SDK1: variants seen among roughly 807,000 people sequenced by gnomAD.
The protein encoded by SDK1 is protein sidekick-1.
SDK1 carries 157 observed loss-of-function variants against 245.5 expected under a neutral mutation model. That is an observed-to-expected ratio of 0.64 (90% confidence interval 0.56 to 0.73). SDK1 has a LOEUF of 0.73. Ranked by LOEUF, SDK1 falls within the 30% of genes least tolerant of loss-of-function variation. SDK1 has a pLI of 0.00. For synonymous variants in SDK1, 1,647 were observed against 1,278.5 expected, an observed-to-expected ratio of 1.29 and a Z score of -6.15; for missense variants, 3,583 against 3,002.3, an observed-to-expected ratio of 1.19 and a Z score of -4.52.
At chr7:3,671,323 T>C (rs1000947260) in intron 4 of SDK1, among the ~76,000 whole-genome samples, 1 of 152,212 alleles carries the variant, frequency 6.6e-6, no homozygotes, top group Non-Finnish European at 1.5e-5. Flanking sequence ...CTACATTGTG[T>C]GAGTCTAGCC....
intron 1 of SDK1, among the ~76,000 whole-genome samples, chr7:3,461,452 C>A (rs771158347): frequency 6.6e-6 from 1 of 152,122 alleles, no homozygotes; most frequent in African/African-American, 2.4e-5. Context: ...GCTAGAATTT[C>A]TTTGTACAGA....
chr7:4,202,436 G>A (rs556375057), intron 35 of SDK1, among the ~76,000 whole-genome samples: 1 of 152,304 alleles, frequency 6.6e-6, no homozygotes, highest in Non-Finnish European at 1.5e-5. Context: ...CGTGTGACTG[G>A]CCAGCCTCAG....
rs1243621544 is a variant in SDK1 at position 4,234,607 on chromosome 7, GC to G, written c.5992+1194del. Among the ~76,000 whole-genome samples the G allele has an allele frequency of 1.1e-4, 17 of 152,100 alleles. 1 individual carries two copies. The highest frequency in any genetic ancestry group is 4.4e-5 in the Non-Finnish European group (3 of 68,006). The stretch of plus-strand genomic sequence containing the variant: ...CCGGCAAAGCTGGTCCCTGGTTGTG[GC>G]CCCCCAGCCCCCCATGTGCCTGTGA... On this transcript the variant is annotated intron_variant, in intron 41 of 44. Transcript: ENST00000404826.
At chr7:3,584,639 G>A (rs1200958772) in intron 1 of SDK1, among the ~76,000 whole-genome samples, 1 of 152,146 alleles carries the variant, frequency 6.6e-6, no homozygotes, top group Non-Finnish European at 1.5e-5. Flanking sequence ...TTCCAGAGAA[G>A]TCGCACGTGC....
At chr7:3,543,583 C>A (rs1382577410) in intron 1 of SDK1, among the ~76,000 whole-genome samples, 2 of 152,168 alleles carry the variant, frequency 1.3e-5, no homozygotes, top group Non-Finnish European at 2.9e-5. Flanking sequence ...TCTGGAAACT[C>A]GCAAGATGTC....
intron 5 of SDK1, among the ~76,000 whole-genome samples, chr7:3,901,328 A>T (rs1445275954): frequency 6.6e-6 from 1 of 152,066 alleles, no homozygotes; most frequent in Non-Finnish European, 1.5e-5. Flanking sequence ...CTGGGACTAC[A>T]GGCATGTGCC....
intron 2 of SDK1, among the ~76,000 whole-genome samples, chr7:3,631,232 C>T (rs1260815148): frequency 6.6e-6 from 1 of 152,184 alleles, no homozygotes; most frequent in Non-Finnish European, 1.5e-5. Flanking sequence ...CCACACTCAG[C>T]TTCTAATGCT....
At chr7:3,849,895 G>A (rs1484065817) in intron 5 of SDK1, among the ~76,000 whole-genome samples, 2 of 152,226 alleles carry the variant, frequency 1.3e-5, no homozygotes, top group African/African-American at 4.8e-5. Flanking sequence ...TGAAGGCAGT[G>A]CTTGGCCTCA....
chr7:3,400,020 C>T (rs1323432670), intron 1 of SDK1, among the ~76,000 whole-genome samples: 1 of 152,024 alleles, frequency 6.6e-6, no homozygotes, highest in African/African-American at 2.4e-5. Flanking sequence ...AATGATAATG[C>T]CTTGTGAATG....
At chr7:3,321,793 C>CTTCCTTCT (rs1779817311) in intron 1 of SDK1, among the ~76,000 whole-genome samples, 1 of 95,878 alleles carries the variant, frequency 1.0e-5, no homozygotes, top group African/African-American at 4.7e-5. Flanking sequence ...TCCTTCCTTC[C>CTTCCTTCT]TTCCTTCCTT....
At chr7:3,737,819 G>C (rs1295683585) in intron 4 of SDK1, among the ~76,000 whole-genome samples, 1 of 152,184 alleles carries the variant, frequency 6.6e-6, no homozygotes, top group Non-Finnish European at 1.5e-5. Context: ...TTTCCCTACT[G>C]GAAAAACATA....
intron 1 of SDK1, among the ~76,000 whole-genome samples, chr7:3,572,412 G>A (rs1780144735): frequency 6.6e-6 from 1 of 151,936 alleles, no homozygotes; most frequent in African/African-American, 2.4e-5. Context: ...TATTCACAGT[G>A]GGTACCAAGA....
chr7:3,644,793 C>CAAAA (rs59276438), intron 4 of SDK1, among the ~76,000 whole-genome samples: 2 of 108,860 alleles, frequency 1.8e-5, no homozygotes, highest in East Asian at 2.5e-4. Flanking sequence ...AAAAAAAAAA[C>CAAAA]AAAAAACAAC....
At chr7:3,877,574 C>A (rs1230106426) in intron 5 of SDK1, among the ~76,000 whole-genome samples, 1 of 152,080 alleles carries the variant, frequency 6.6e-6, no homozygotes, top group Admixed American at 6.5e-5. Context: ...TGGTTTATCC[C>A]TTTTAACTTT....
At chr7:3,552,522 A>T (rs570953505) in intron 1 of SDK1, among the ~76,000 whole-genome samples, 4 of 152,108 alleles carry the variant, frequency 2.6e-5, no homozygotes, top group Non-Finnish European at 5.9e-5. Flanking sequence ...TTGCTCATAT[A>T]TTCATTTATG....
At chr7:3,836,843 GA>G (rs1324797493) in intron 5 of SDK1, among the ~76,000 whole-genome samples, 6 of 152,116 alleles carry the variant, frequency 3.9e-5, no homozygotes, top group Non-Finnish European at 7.4e-5. Flanking sequence ...TCTCAGTTCT[GA>G]AAACTGGAAG....
chr7:3,322,201 T>C (rs1209679003), intron 1 of SDK1, among the ~76,000 whole-genome samples: 1 of 152,144 alleles, frequency 6.6e-6, no homozygotes, highest in East Asian at 1.9e-4. Context: ...CGTGTTCTGC[T>C]TCTATGGATT....
intron 5 of SDK1, among the ~76,000 whole-genome samples, chr7:3,944,507 A>C (rs1460897216): frequency 6.6e-6 from 1 of 150,670 alleles, no homozygotes; most frequent in Admixed American, 6.6e-5. Context: ...CTTTATGATA[A>C]ATTAATCATT....
intron 1 of SDK1, among the ~76,000 whole-genome samples, chr7:3,589,208 C>T (rs946793905): frequency 1.3e-5 from 2 of 152,178 alleles, no homozygotes; most frequent in African/African-American, 4.8e-5. Context: ...TGGTACTGAT[C>T]TCACAGTTGG....
Sources: gnomAD v4.1 joint callset for allele counts (sites outside exome capture counted in the v4.1 genomes callset) on GRCh38, gnomAD v4.1.1 for gene constraint, MANE v1.5 for transcripts, NCBI Gene and HGNC (gene_info 2026-07-23, HGNC 2026-07-21) for gene names.